LTBP1: variants seen among roughly 807,000 people sequenced by gnomAD.
The protein encoded by LTBP1 is latent transforming growth factor beta binding protein 1.
A neutral mutation model predicts 207.6 loss-of-function variants in LTBP1; 129 were observed. The observed-to-expected ratio is 0.62, with a 90% CI of 0.54 to 0.72. LTBP1 has a LOEUF of 0.72. LTBP1 is among the 30% of genes least tolerant of loss of function. The pLI is 0.00. For missense variants in LTBP1, 2,281 were observed against 2,217.2 expected (o/e 1.03, Z -0.58); for synonymous variants, 963 against 833.7 (o/e 1.16, Z -2.67).
intron 20 of LTBP1, among the ~76,000 whole-genome samples, chr2:33,298,840 A>G (rs969058636): frequency 2.0e-5 from 3 of 152,188 alleles, no homozygotes; most frequent in South Asian, 2.1e-4. Context: ...TTGAACTCCA[A>G]TTACATTAAT....
chr2:33,075,011 A>G (rs1210190993), intron 3 of LTBP1, among the ~76,000 whole-genome samples: 2 of 152,196 alleles, frequency 1.3e-5, no homozygotes, highest in Non-Finnish European at 2.9e-5. Context: ...AGATCACACC[A>G]CTGCACTCCA....
At chr2:33,265,179 T>A (rs2093140920) in intron 15 of LTBP1, among the ~76,000 whole-genome samples, 1 of 152,162 alleles carries the variant, frequency 6.6e-6, no homozygotes, top group South Asian at 2.1e-4. Context: ...AGAAACACCC[T>A]CACAGACACA....
intron 5 of LTBP1, among the ~76,000 whole-genome samples, chr2:33,180,774 A>T (rs2086543889): frequency 6.6e-6 from 1 of 152,126 alleles, no homozygotes; most frequent in African/African-American, 2.4e-5. Context: ...ATAGGTTCTT[A>T]AAGTGAGCAA....
At chr2:33,292,443 C>G (rs1364244184) in intron 19 of LTBP1, among the ~76,000 whole-genome samples, 2 of 152,224 alleles carry the variant, frequency 1.3e-5, no homozygotes, top group African/African-American at 2.4e-5. Context: ...TTGAACTTCT[C>G]TAAGCTTCAG....
At chr2:33,094,385 C>G (rs2079273833) in intron 3 of LTBP1, among the ~76,000 whole-genome samples, 2 of 152,182 alleles carry the variant, frequency 1.3e-5, no homozygotes, top group African/African-American at 2.4e-5. Flanking sequence ...TGTCTCTAGA[C>G]TTGTTTCTGC....
chr2:33,236,732 G>A (rs987754676), intron 9 of LTBP1, among the ~76,000 whole-genome samples: 1 of 152,182 alleles, frequency 6.6e-6, no homozygotes, highest in African/African-American at 2.4e-5. Flanking sequence ...ATGGATTCAT[G>A]TTACTGTGAA....
At chr2:33,099,895 C>G (rs938870771) in intron 3 of LTBP1, among the ~76,000 whole-genome samples, 3 of 152,178 alleles carry the variant, frequency 2.0e-5, no homozygotes, top group Non-Finnish European at 2.9e-5. Flanking sequence ...CTTTTCCATT[C>G]TTCTAGGCTT....
At chr2:32,985,951 T>C (rs1268087093) in intron 2 of LTBP1, among the ~76,000 whole-genome samples, 2 of 152,192 alleles carry the variant, frequency 1.3e-5, no homozygotes, top group Non-Finnish European at 2.9e-5. Context: ...TCTGCCTGTC[T>C]GTTTCTGAAG....
Position 33,165,461 on chromosome 2 carries a change from T to C in LTBP1, c.1202-21395T>C, listed in dbSNP as rs569931409. 2.0e-5 allele frequency among the ~76,000 whole-genome samples: 3 copies of C among 152,362 alleles called. No homozygotes were observed. In the South Asian group the frequency reaches 6.2e-4, roughly 32 times the overall value. ...TAAAATTTAATAGATTATAGGACCA[T>C]AAAAACTTAGAACTGAGAAAGCAAT... On this transcript the variant is annotated intron_variant, in intron 5 of 33. Transcript: ENST00000404816.
chr2:33,056,983 A>G (rs2077032916), intron 3 of LTBP1, among the ~76,000 whole-genome samples: 1 of 152,078 alleles, frequency 6.6e-6, no homozygotes, highest in South Asian at 2.1e-4. Context: ...GTGCGTTTAC[A>G]ATCCCTGAGC....
At chr2:33,057,898 G>T (rs904633623) in intron 3 of LTBP1, among the ~76,000 whole-genome samples, 13 of 152,262 alleles carry the variant, frequency 8.5e-5, no homozygotes, top group African/African-American at 3.1e-4. Flanking sequence ...GGGCTGAAGG[G>T]CTCCTCAAGC....
At chr2:33,281,772 T>G (rs1487376839) in intron 19 of LTBP1, among the ~76,000 whole-genome samples, 2 of 152,174 alleles carry the variant, frequency 1.3e-5, no homozygotes, top group Non-Finnish European at 2.9e-5. Context: ...AAGCAATTGT[T>G]TTTGTAACTG....
chr2:33,218,779 A>G (rs1443983385), intron 8 of LTBP1, among the ~76,000 whole-genome samples: 4 of 152,196 alleles, frequency 2.6e-5, no homozygotes, highest in African/African-American at 7.2e-5. Context: ...CCAAGAGAGC[A>G]AGTGATATTT....
chr2:33,108,919 G>A (rs761371849), intron 3 of LTBP1, among the ~76,000 whole-genome samples: 1 of 152,218 alleles, frequency 6.6e-6, no homozygotes, highest in Non-Finnish European at 1.5e-5. Context: ...AAACAAAAGT[G>A]TTCACAATGT....
At chr2:33,200,881 C>T (rs1287164186) in intron 7 of LTBP1, among the ~76,000 whole-genome samples, 37 of 152,324 alleles carry the variant, frequency 2.4e-4, no homozygotes, top group East Asian at 1.9e-4. Flanking sequence ...AAAAAATGCT[C>T]ATCATCACTG....
chr2:33,235,270 A>G (rs1386662826), intron 9 of LTBP1, among the ~76,000 whole-genome samples: 2 of 152,246 alleles, frequency 1.3e-5, no homozygotes, highest in African/African-American at 4.8e-5. Flanking sequence ...TCAAAAGAAG[A>G]CATTTATGCA....
In LTBP1 at chr2:33,269,461, A is replaced by C. The variant is rs2603360; in HGVS notation, c.2618-4195A>C. 7.2e-3 allele frequency among the ~76,000 whole-genome samples: 1,098 copies of C among 152,292 alleles called. 7 individuals carry two copies. Among genetic ancestry groups the C allele is most frequent in the African/African-American group, 0.024 (1,004 of 41,562 alleles). On this transcript the variant is annotated intron_variant, in intron 15 of 33. Transcript: ENST00000404816. ...TGAACCAGGTGGCATTATGAAGGAC[A>C]TGTGAGAGAGTCCAGTGGGGAGCAC...
At chr2:33,323,113 A>T (rs1402235585) in intron 24 of LTBP1, among the ~76,000 whole-genome samples, 3 of 152,176 alleles carry the variant, frequency 2.0e-5, no homozygotes, top group Admixed American at 2.0e-4. Context: ...CACCTAACCT[A>T]CCGAACATTA....
chr2:33,048,374 T>A (rs2076551034), intron 3 of LTBP1, among the ~76,000 whole-genome samples: 1 of 152,186 alleles, frequency 6.6e-6, no homozygotes, highest in South Asian at 2.1e-4. Context: ...TGGAGAGGAA[T>A]AATCCTGTTG....
Sources: allele counts gnomAD v4.1 joint callset (sites outside exome capture counted in the v4.1 genomes callset), GRCh38; gene constraint gnomAD v4.1.1; transcripts MANE v1.5; gene names NCBI Gene and HGNC (gene_info 2026-07-23, HGNC 2026-07-21).